Variants in HAO1 observed in about 807,000 individuals in gnomAD.
The protein encoded by HAO1 is hydroxyacid oxidase 1, also known as 2-Hydroxyacid oxidase 1.
A neutral mutation model predicts 39.7 loss-of-function variants in HAO1; 34 were observed. The ratio of observed to expected loss-of-function variants is 0.86; its 90% CI spans 0.65 to 1.14. The LOEUF (loss-of-function observed/expected upper bound fraction) is 1.14. Ranked by LOEUF, HAO1 falls within the 50% of genes most tolerant of loss-of-function variation. The probability of loss-of-function intolerance (pLI) is 0.00; values close to 1 mark genes in which losing one functional copy is unlikely to be tolerated. For missense variants in HAO1, 479 were observed against 464.5 expected, an observed-to-expected ratio of 1.03 and a Z score of -0.29; for synonymous variants, 172 against 173.2, an observed-to-expected ratio of 0.99 and a Z score of 0.05.
chr20:7,885,353 A>G lies in HAO1; in HGVS notation c.1042+168T>C. 4 of 614,836 alleles carry G rather than the reference A, an allele frequency of 6.5e-6. No individual in the cohort carries two copies. The East Asian group carries it at 1.1e-4, about 17-fold the overall frequency. The allele number at this position is 614,836 out of a possible 1,614,324, so 38.1% of individuals were successfully genotyped here. A position where few individuals can be genotyped will look rare whatever the true frequency, so the allele number is the denominator to read the frequency against. On this transcript the variant is annotated intron_variant, in intron 7 of 7. Coordinates refer to ENST00000378789, the MANE Select transcript of HAO1 (RefSeq NM_017545.3). ...AAAACAGAGGTTAAGTAATTACTAGAGACTGCACATGCAGAGTTCCTCAAA... is the reference window on the plus strand; with the variant it reads ...AAAACAGAGGTTAAGTAATTACTAGGGACTGCACATGCAGAGTTCCTCAAA...
At chr20:7,917,596 G>A (rs2050312964) in intron 2 of HAO1, among the ~76,000 whole-genome samples, 1 of 152,136 alleles carries the variant, frequency 6.6e-6, no homozygotes, top group South Asian at 2.1e-4. Context: ...GGAAGGCATG[G>A]AATCTTAGAA....
chr20:7,890,217 T>C (rs2050168112), intron 5 of HAO1, among the ~76,000 whole-genome samples: 1 of 152,062 alleles, frequency 6.6e-6, no homozygotes, highest in African/African-American at 2.4e-5. Context: ...TTTTTTTTGT[T>C]TTGTTTTGTT....
chr20:7,903,478 T>G (rs1600109962), intron 4 of HAO1, among the ~76,000 whole-genome samples: 1 of 151,894 alleles, frequency 6.6e-6, no homozygotes, highest in African/African-American at 2.4e-5. Flanking sequence ...GTGGTCATGG[T>G]GGTCATGGTG....
chr20:7,920,864 A>T (rs1260219051), intron 2 of HAO1, among the ~76,000 whole-genome samples: 2 of 152,156 alleles, frequency 1.3e-5, no homozygotes, highest in Non-Finnish European at 2.9e-5. Context: ...CAACATGCTG[A>T]TTTCAATTCC....
At chr20:7,917,449 G>C (rs1372748906) in intron 2 of HAO1, among the ~76,000 whole-genome samples, 1 of 151,720 alleles carries the variant, frequency 6.6e-6, no homozygotes, top group Non-Finnish European at 1.5e-5. Flanking sequence ...CCAGGGCAAT[G>C]ATCTTTCTAG....
At chr20:7,921,714 C>T (rs1410232592) in intron 2 of HAO1, among the ~76,000 whole-genome samples, 1 of 152,004 alleles carries the variant, frequency 6.6e-6, no homozygotes, top group Admixed American at 6.6e-5. Context: ...CAGGTGCCCA[C>T]CAATGGTGGA....
At chr20:7,914,524 A>G in intron 2 of HAO1, 105 bp from the exon 3 acceptor site, 1 of 1,213,972 alleles carries the variant, frequency 8.2e-7, no homozygotes, top group Non-Finnish European at 1.2e-6. Flanking sequence ...GCAATTTGGC[A>G]ATATGAAGTC....
chr20:7,929,059 TTTTGTTTGTTTGTTTGTTTG>T (rs10543894), intron 2 of HAO1, among the ~76,000 whole-genome samples: 3 of 150,702 alleles, frequency 2.0e-5, no homozygotes, highest in East Asian at 2.0e-4. Flanking sequence ...TTGCACTGTT[TTTTGTTTGTTTGTTTGTTTG>T]TTTGTTTGTT....
chr20:7,899,898 A>G (rs1311842915), intron 4 of HAO1, among the ~76,000 whole-genome samples: 1 of 152,168 alleles, frequency 6.6e-6, no homozygotes, highest in Non-Finnish European at 1.5e-5. Flanking sequence ...ATTGATAGAC[A>G]CAGTCGTCAA....
intron 2 of HAO1, among the ~76,000 whole-genome samples, chr20:7,929,735 G>T (rs574367989): frequency 1.3e-5 from 2 of 152,054 alleles, no homozygotes; most frequent in East Asian, 3.9e-4. Context: ...GTCGCGGTGC[G>T]TGCCTATAGT....
At chr20:7,927,546 T>C (rs545368795) in intron 2 of HAO1, among the ~76,000 whole-genome samples, 1 of 151,978 alleles carries the variant, frequency 6.6e-6, no homozygotes, top group Admixed American at 6.5e-5. Context: ...CATGAAAAAC[T>C]GCCCTCCATT....
At chr20:7,910,738 T>C (rs2050275401) in intron 3 of HAO1, among the ~76,000 whole-genome samples, 1 of 152,160 alleles carries the variant, frequency 6.6e-6, no homozygotes, top group Non-Finnish European at 1.5e-5. Flanking sequence ...TTTTGCCACA[T>C]AAAGTAACAG....
chr20:7,936,543 TGTGTTCG>T (rs1568522175), intron 1 of HAO1, among the ~76,000 whole-genome samples: 3 of 147,760 alleles, frequency 2.0e-5, no homozygotes, highest in African/African-American at 7.7e-5. Context: ...TGTGTGTGTG[TGTGTTCG>T]CGCGCGCGCG....
At chr20:7,906,511 C>T (rs529510924) in intron 3 of HAO1, among the ~76,000 whole-genome samples, 182 bp from the exon 4 acceptor site, 152 of 152,206 alleles carry the variant, frequency 1.0e-3, no homozygotes, top group Non-Finnish European at 1.8e-3. Flanking sequence ...AAATGTGATA[C>T]TCTAGTGGTC....
chr20:7,915,403 G>A (rs1482069219), intron 2 of HAO1, among the ~76,000 whole-genome samples: 1 of 151,990 alleles, frequency 6.6e-6, no homozygotes, highest in East Asian at 1.9e-4. Context: ...GGAAGAGGAA[G>A]GGGAAGTAAG....
rs1231958103 is a variant in HAO1, at chr20:7,903,862, G to A, written c.721+2292C>T. 4.5e-5 allele frequency among the ~76,000 whole-genome samples: 4 copies of A among 89,762 alleles called. No homozygotes were observed. In the East Asian group the frequency reaches 3.7e-3, roughly 84 times the overall value. The allele number at this position is 89,762 out of a possible 152,430, so 58.9% of individuals were successfully genotyped here. On this transcript the variant is annotated intron_variant, in intron 4 of 7. Transcript: ENST00000378789. ...TGGTAATGGAGATTGTGGTAGCGGT[G>A]GTGGTGGTGGTGGTGGTGGTGGTGG...
chr20:7,883,287 A>T lies in HAO1; in HGVS notation c.*306T>A. The T allele has an allele frequency of 5.6e-6, 2 of 354,292 alleles. No individual in the cohort carries two copies. Among genetic ancestry groups the T allele is most frequent in the Non-Finnish European group, 1.0e-5 (2 of 190,480 alleles). The allele number at this position is 354,292 out of a possible 1,614,324, so 21.9% of individuals were successfully genotyped here. ...CTTAGTGTTTGCTACCTCCAATTTT[A>T]CTAAAGGATACAGCACTTTAGCCTG... is the stretch of plus-strand genomic sequence containing the variant. On this transcript the variant is annotated 3_prime_UTR_variant, in exon 8 of 8. Transcript: ENST00000378789.
intron 1 of HAO1, among the ~76,000 whole-genome samples, chr20:7,935,453 T>G (rs1480662271): frequency 6.6e-6 from 1 of 152,230 alleles, no homozygotes; most frequent in Non-Finnish European, 1.5e-5. Flanking sequence ...GTCTTCTTTT[T>G]ATGTGATAAA....
chr20:7,917,607 T>A (rs1264390976), intron 2 of HAO1, among the ~76,000 whole-genome samples: 1 of 152,048 alleles, frequency 6.6e-6, no homozygotes, highest in Non-Finnish European at 1.5e-5. Context: ...AATCTTAGAA[T>A]CCAGTGGGAA....
Sources: gnomAD v4.1 joint callset for allele counts (sites outside exome capture counted in the v4.1 genomes callset) on GRCh38, gnomAD v4.1.1 for gene constraint, MANE v1.5 for transcripts, NCBI Gene and HGNC (gene_info 2026-07-23, HGNC 2026-07-21) for gene names.